The following PAM variants were observed in gnomAD, a reference collection of about 807,000 sequenced individuals.
The protein encoded by PAM is peptidylglycine alpha-amidating monooxygenase, also known as peptidyl-glycine alpha-amidating monooxygenase.
In PAM, 72 loss-of-function variants were observed where a neutral mutation model predicts 122.1. That is an observed-to-expected ratio of 0.59 (90% CI 0.49 to 0.72). The LOEUF is 0.72. Among genes scored for constraint, PAM ranks in the 30% least tolerant of loss-of-function variants. PAM has a pLI of 0.00. For missense variants in PAM, 1,106 were observed against 1,183.7 expected (o/e 0.93, Z 0.96); for synonymous variants, 389 against 404.4 (o/e 0.96, Z 0.46).
chr5:102,861,877 A>G (rs1200667488), intron 1 of PAM, among the ~76,000 whole-genome samples: 1 of 152,172 alleles, frequency 6.6e-6, no homozygotes, highest in South Asian at 2.1e-4. Flanking sequence ...GTTATAAAAT[A>G]TGCCTTTGGA....
Position 102,794,341 on chromosome 5 carries a change from G to A in PAM, c.-374+38993G>A, listed in dbSNP as rs142868829. On this transcript the variant is annotated intron_variant, in intron 1 of 25. Coordinates refer to ENST00000438793, the MANE Select transcript of PAM (RefSeq NM_001177306.2). The stretch of plus-strand genomic sequence containing the variant: ...GAATTGGCAGAAGTAGATTCTTACT[G>A]ATTCAGATACATTTTCCACCAACTG... 8.5e-3 allele frequency among the ~76,000 whole-genome samples: 1,292 copies of A among 152,260 alleles called. 17 individuals are homozygous for A. The highest frequency in any genetic ancestry group is 0.03 in the African/African-American group (1,250 of 41,552).
chr5:102,881,930 A>G (rs1791262530), intron 3 of PAM, among the ~76,000 whole-genome samples: 1 of 150,192 alleles, frequency 6.7e-6, no homozygotes, highest in South Asian at 2.1e-4. Flanking sequence ...GTGAGAACAT[A>G]TGATGTTTGG....
intron 1 of PAM, among the ~76,000 whole-genome samples, chr5:102,840,117 A>T (rs1287718366): frequency 6.6e-6 from 1 of 152,176 alleles, no homozygotes; most frequent in Non-Finnish European, 1.5e-5. Context: ...TTTATATGTA[A>T]AATTAATGTA....
chr5:102,928,783 T>C (rs1057094073), intron 7 of PAM, among the ~76,000 whole-genome samples: 1 of 152,136 alleles, frequency 6.6e-6, no homozygotes, highest in Non-Finnish European at 1.5e-5. Flanking sequence ...TTGGAAAGCA[T>C]TTTTACCATT....
intron 23 of PAM, 127 bp downstream of exon 23, chr5:103,019,970 C>G: frequency 1.4e-6 from 1 of 719,882 alleles, no homozygotes; most frequent in South Asian, 1.5e-5. Flanking sequence ...TCAGTGACTT[C>G]TGCTATGTAC....
intron 3 of PAM, among the ~76,000 whole-genome samples, chr5:102,884,540 A>G (rs1177713276): frequency 6.6e-6 from 1 of 151,940 alleles, no homozygotes; most frequent in Non-Finnish European, 1.5e-5. Flanking sequence ...AACCATGCAT[A>G]TCTTTTCCAC....
At chr5:102,988,506 T>A (rs576212345) in intron 15 of PAM, among the ~76,000 whole-genome samples, 2 of 152,034 alleles carry the variant, frequency 1.3e-5, no homozygotes, top group Non-Finnish European at 2.9e-5. Flanking sequence ...GTTTTATTCC[T>A]TTGCGTTCCC....
chr5:103,000,451 C>T (rs924740182), intron 16 of PAM, among the ~76,000 whole-genome samples: 2 of 152,180 alleles, frequency 1.3e-5, no homozygotes, highest in Non-Finnish European at 1.5e-5. Flanking sequence ...TCTGAGCCCT[C>T]CAAATTGTTC....
At chr5:102,992,167 A>G (rs7729773) in intron 16 of PAM, among the ~76,000 whole-genome samples, 3,229 of 152,218 alleles carry the variant, frequency 0.021, 102 homozygotes, top group African/African-American at 0.073. Context: ...GGTAACCAGG[A>G]TCCTGTGGAA....
At position 102,995,982 on chromosome 5, in the gene PAM, AATTAT is replaced by A. The variant is rs555180901; in HGVS notation, c.1613+5590_1613+5594del. Among the ~76,000 whole-genome samples, 78 of 151,892 alleles carry A rather than the reference AATTAT, an allele frequency of 5.1e-4. No individual in the cohort carries two copies. The South Asian group carries it at 7.5e-3, about 15-fold the overall frequency. On this transcript the variant is annotated intron_variant, in intron 16 of 25. Transcript: ENST00000438793. ...ATTTCTCTAGCTTCTTAATTTATATAATTATATTATATTTCATATCTTCCTTCAGT... is the reference window on the plus strand; with the variant it reads ...ATTTCTCTAGCTTCTTAATTTATATAATTATATTTCATATCTTCCTTCAGT...
chr5:102,872,867 C>T (rs1257893667), intron 3 of PAM, among the ~76,000 whole-genome samples: 2 of 151,994 alleles, frequency 1.3e-5, no homozygotes, highest in Non-Finnish European at 2.9e-5. Flanking sequence ...ATGTACGTAT[C>T]CTCAGTCAGT....
intron 1 of PAM, among the ~76,000 whole-genome samples, chr5:102,799,473 C>G (rs759337836): frequency 6.6e-5 from 10 of 152,126 alleles, no homozygotes; most frequent in Non-Finnish European, 1.3e-4. Context: ...GTTGGATACA[C>G]CCAATCAGTT....
intron 4 of PAM, among the ~76,000 whole-genome samples, chr5:102,902,621 A>AT (rs1798310268): frequency 6.6e-6 from 1 of 151,612 alleles, no homozygotes; most frequent in African/African-American, 2.4e-5. Context: ...ATACATTCAT[A>AT]ATTAAAATCC....
At chr5:102,933,171 GATTGATATC>G (rs1752154884) in intron 7 of PAM, among the ~76,000 whole-genome samples, 1 of 152,168 alleles carries the variant, frequency 6.6e-6, no homozygotes, top group Non-Finnish European at 1.5e-5. Flanking sequence ...CAAGTTATCG[GATTGATATC>G]ATATAGGCAC....
chr5:102,821,244 T>C (rs1360328268), intron 1 of PAM, among the ~76,000 whole-genome samples: 3 of 152,190 alleles, frequency 2.0e-5, no homozygotes, highest in Admixed American at 6.5e-5. Flanking sequence ...CCATTTATCC[T>C]GAGGAGCTTA....
Position 102,831,831 on chromosome 5 carries a change from G to A in PAM, c.-373-33992G>A, listed in dbSNP as rs796384006. Among the ~76,000 whole-genome samples, 5 of 151,622 alleles carry A rather than the reference G, an allele frequency of 3.3e-5. 1 individual carries two copies. Among genetic ancestry groups the A allele is most frequent in the African/African-American group, 1.2e-4 (5 of 41,324 alleles). On this transcript the variant is annotated intron_variant, in intron 1 of 25. Coordinates refer to ENST00000438793, the MANE Select transcript of PAM (RefSeq NM_001177306.2). ...GTTAAGATGCTAAGAAAATGTTATGGCATTCTGTTACAGTATTATCATTTT... is the reference window on the plus strand; with the variant it reads ...GTTAAGATGCTAAGAAAATGTTATGACATTCTGTTACAGTATTATCATTTT...
intron 1 of PAM, among the ~76,000 whole-genome samples, chr5:102,779,733 A>G (rs977284388): frequency 6.6e-6 from 1 of 151,646 alleles, no homozygotes; most frequent in Non-Finnish European, 1.5e-5. Flanking sequence ...TTTTTCTCCC[A>G]TGCTGGATGC....
intron 24 of PAM, among the ~76,000 whole-genome samples, chr5:103,026,256 G>C (rs1164032150): frequency 6.6e-6 from 1 of 152,134 alleles, no homozygotes; most frequent in Non-Finnish European, 1.5e-5. Flanking sequence ...GTCTATAGCT[G>C]TGTGTGGGAA....
At chr5:102,859,365 TG>T (rs1349466034) in intron 1 of PAM, among the ~76,000 whole-genome samples, 66 of 151,962 alleles carry the variant, frequency 4.3e-4, no homozygotes, top group Admixed American at 4.0e-3. Flanking sequence ...TGTGTGTGTG[TG>T]TGTGTCTTCA....
Sources: allele counts gnomAD v4.1 joint callset (sites outside exome capture counted in the v4.1 genomes callset), GRCh38; gene constraint gnomAD v4.1.1; transcripts MANE v1.5; gene names NCBI Gene and HGNC (gene_info 2026-07-23, HGNC 2026-07-21).